Variants in AMDHD1 observed in about 807,000 individuals in gnomAD.
AMDHD1 encodes the protein probable imidazolonepropionase.
Under a neutral mutation model 44.1 loss-of-function variants are expected in AMDHD1, and 45 were observed. That is an observed-to-expected ratio of 1.02 (90% confidence interval 0.80 to 1.31). The LOEUF (loss-of-function observed/expected upper bound fraction) is 1.31, where lower values mean the gene tolerates loss of function less well. Among genes scored for constraint, AMDHD1 ranks in the 50% most tolerant of loss-of-function variants. The probability of loss-of-function intolerance (pLI) is 0.00; values close to 1 mark genes in which losing one functional copy is unlikely to be tolerated. For synonymous variants in AMDHD1, 206 were observed against 205.0 expected, an observed-to-expected ratio of 1.00 and a Z score of -0.04; for missense variants, 586 against 552.1, an observed-to-expected ratio of 1.06 and a Z score of -0.61.
Position 95,946,777 on chromosome 12 carries a change from C to T in AMDHD1, c.137+3242C>T, listed in dbSNP as rs1283169332. 4.5e-4 allele frequency among the ~76,000 whole-genome samples: 14 copies of T among 31,298 alleles called. 3 individuals carry two copies. The highest frequency in any genetic ancestry group is 7.0e-4 in the Non-Finnish European group (13 of 18,566). The allele number at this position is 31,298 out of a possible 152,430, so 20.5% of individuals were successfully genotyped here. A position where few individuals can be genotyped will look rare whatever the true frequency, so the allele number is the denominator to read the frequency against. Reference sequence around the variant, plus strand: ...AATGCCTGTGATTGCAGGCACGCGCCGCCACGCCTGACTGGTTTTGGTGGA... The same window carrying T: ...AATGCCTGTGATTGCAGGCACGCGCTGCCACGCCTGACTGGTTTTGGTGGA... On this transcript the variant is annotated intron_variant, in intron 1 of 8. Transcript: ENST00000266736.
At chr12:95,951,075 G>A (rs1056180024) in intron 1 of AMDHD1, among the ~76,000 whole-genome samples, 2 of 152,150 alleles carry the variant, frequency 1.3e-5, no homozygotes, top group South Asian at 2.1e-4. Context: ...TCATTTCCTG[G>A]TGTTACAAAC....
chr12:95,952,966 A>G, intron 2 of AMDHD1, 143 bp downstream of exon 2: 1 of 572,768 alleles, frequency 1.7e-6, no homozygotes, highest in Non-Finnish European at 3.1e-6. Context: ...AATTTCTATT[A>G]TTGAATGTAT....
intron 1 of AMDHD1, among the ~76,000 whole-genome samples, chr12:95,946,061 CTGTGTGTG>C (rs56658923): frequency 1.6e-5 from 2 of 122,486 alleles, no homozygotes; most frequent in African/African-American, 5.3e-5. Context: ...CTCTTTCTCT[CTGTGTGTG>C]TGTGTGTGTG....
Position 95,960,630 on chromosome 12 carries a change from T to C in AMDHD1, c.813+7T>C, listed in dbSNP as rs756140324. 7 of 1,609,454 alleles carry C rather than the reference T, an allele frequency of 4.3e-6. No homozygotes were observed. The Admixed American group carries it at 6.7e-5, about 15-fold the overall frequency. On this transcript the variant is annotated splice_region_variant and intron_variant, in intron 5 of 8. Coordinates refer to ENST00000266736, the MANE Select transcript of AMDHD1 (RefSeq NM_152435.3). Reference sequence around the variant, plus strand: ...CCCGATGAAGGCTGCTGAGGTGTGGTTGACTTTTAGTTTTTCCCTCGTCAA... The same window carrying C: ...CCCGATGAAGGCTGCTGAGGTGTGGCTGACTTTTAGTTTTTCCCTCGTCAA...
At chr12:95,946,207 A>G (rs1169734329) in intron 1 of AMDHD1, among the ~76,000 whole-genome samples, 1 of 152,176 alleles carries the variant, frequency 6.6e-6, no homozygotes, top group Non-Finnish European at 1.5e-5. Context: ...GTCTAAATGA[A>G]CAAAACAAAC....
chr12:95,958,256 G>C (rs558664831), intron 4 of AMDHD1, among the ~76,000 whole-genome samples: 104 of 151,854 alleles, frequency 6.8e-4, no homozygotes, highest in African/African-American at 2.5e-3. Flanking sequence ...ATTACTATTA[G>C]CTATAGTCAC....
chr12:95,946,061 C>CTCTCTCTGTGTGTG (rs1403742643), intron 1 of AMDHD1, among the ~76,000 whole-genome samples: 3 of 122,486 alleles, frequency 2.4e-5, no homozygotes, highest in African/African-American at 5.3e-5. Flanking sequence ...CTCTTTCTCT[C>CTCTCTCTGTGTGTG]TGTGTGTGTG....
chr12:95,954,986 C>T lies in AMDHD1; in HGVS notation c.309+11C>T. 1 of 1,612,802 alleles carries T rather than the reference C, an allele frequency of 6.2e-7. No homozygotes were observed. The highest frequency in any genetic ancestry group is 1.7e-5 in the Admixed American group (1 of 60,004). On this transcript the variant is annotated intron_variant, in intron 3 of 8. Transcript: ENST00000266736. ...GAATTTGCAATGAAGGTAACTGCAA[C>T]AAATCATGGCAAATCAAAATAAAGC...
rs143912094 is a variant in AMDHD1, at chr12:95,961,974, A to G, written c.814-381A>G. Reference sequence around the variant, plus strand: ...ATAAAACGCTGTTTCTCTTTATGGGAAAAACAATTTAGGCCATGCTCGGTG... The same window carrying G: ...ATAAAACGCTGTTTCTCTTTATGGGGAAAACAATTTAGGCCATGCTCGGTG... On this transcript the variant is annotated intron_variant, in intron 5 of 8. Coordinates refer to ENST00000266736, the MANE Select transcript of AMDHD1 (RefSeq NM_152435.3). Among the ~76,000 whole-genome samples the G allele has an allele frequency of 2.8e-3, 425 of 152,356 alleles. 3 individuals are homozygous for G. The highest frequency in any genetic ancestry group is 9.8e-3 in the African/African-American group (408 of 41,586).
chr12:95,943,925 T>A (rs1170508554), intron 1 of AMDHD1, among the ~76,000 whole-genome samples: 1 of 152,024 alleles, frequency 6.6e-6, no homozygotes, highest in Admixed American at 6.5e-5. Context: ...CCACTCCCTA[T>A]CCCTAGAATT....
intron 1 of AMDHD1, among the ~76,000 whole-genome samples, chr12:95,949,160 G>GAAAAAAAAA (rs1358481972): frequency 2.9e-5 from 3 of 101,774 alleles, no homozygotes; most frequent in Non-Finnish European, 4.5e-5. Context: ...AAAAAAAAAA[G>GAAAAAAAAA]AAAAAAAAAA....
At chr12:95,966,307 A>G (rs1414077786) in intron 7 of AMDHD1, 41 bp from the exon 8 acceptor site, 4 of 1,608,516 alleles carry the variant, frequency 2.5e-6, no homozygotes, top group African/African-American at 2.7e-5. Context: ...TGCAGTTGCC[A>G]TATGTCACTT....
chr12:95,957,010 C>A (rs776504237), intron 4 of AMDHD1, 48 bp downstream of exon 4: 2 of 1,603,086 alleles, frequency 1.2e-6, no homozygotes, highest in Admixed American at 3.4e-5. Context: ...GCATTGAAAA[C>A]GAACCCCGGG....
At chr12:95,944,219 A>G (rs7486703) in intron 1 of AMDHD1, among the ~76,000 whole-genome samples, 98,038 of 151,856 alleles carry the variant, frequency 0.65, 32,535 homozygotes, top group East Asian at 0.95. Context: ...GTGCCATGGG[A>G]CCACAATTGC....
intron 4 of AMDHD1, among the ~76,000 whole-genome samples, chr12:95,960,004 C>T (rs1333373574): frequency 6.6e-6 from 1 of 152,038 alleles, no homozygotes; most frequent in African/African-American, 2.4e-5. Flanking sequence ...CCAGGCTGGT[C>T]TCAAACTCCT....
intron 6 of AMDHD1, among the ~76,000 whole-genome samples, chr12:95,964,272 TTCTGATCTCTGCA>T (rs1408243438): frequency 6.6e-6 from 1 of 152,134 alleles, no homozygotes; most frequent in Non-Finnish European, 1.5e-5. Context: ...TTCTATATTT[TTCTGATCTCTGCA>T]TCAGGAGAGA....
intron 6 of AMDHD1, 102 bp downstream of exon 6, chr12:95,962,581 C>G (rs907111362): frequency 7.6e-7 from 1 of 1,324,090 alleles, no homozygotes; most frequent in Non-Finnish European, 9.9e-7. Context: ...TTACAAATCC[C>G]TTAAAAATGC....
chr12:95,951,375 A>G (rs2080525113), intron 1 of AMDHD1, among the ~76,000 whole-genome samples: 1 of 152,224 alleles, frequency 6.6e-6, no homozygotes, highest in Admixed American at 6.5e-5. Context: ...TTCACTTAAC[A>G]TAATGTCCTC....
At chr12:95,958,494 G>T (rs2080563790) in intron 4 of AMDHD1, among the ~76,000 whole-genome samples, 1 of 152,084 alleles carries the variant, frequency 6.6e-6, no homozygotes, top group Non-Finnish European at 1.5e-5. Flanking sequence ...AGACTCTTGA[G>T]ACATTCTCTA....
Sources: allele counts gnomAD v4.1 joint callset (sites outside exome capture counted in the v4.1 genomes callset), GRCh38; gene constraint gnomAD v4.1.1; transcripts MANE v1.5; gene names NCBI Gene and HGNC (gene_info 2026-07-23, HGNC 2026-07-21).